The following PNPLA8 variants were observed in gnomAD, a reference collection of about 807,000 sequenced individuals.
The protein encoded by PNPLA8 is patatin like domain 8, phospholipase A2.
Under a neutral mutation model 76.9 loss-of-function variants are expected in PNPLA8, and 39 were observed. The ratio of observed to expected loss-of-function variants is 0.51; its 90% confidence interval spans 0.39 to 0.66. The LOEUF (loss-of-function observed/expected upper bound fraction) is 0.66, where lower values mean the gene tolerates loss of function less well. PNPLA8 is among the 30% of genes least tolerant of loss of function. PNPLA8 has a pLI of 0.00. For synonymous variants in PNPLA8, 301 were observed against 307.9 expected, an observed-to-expected ratio of 0.98 and a Z score of 0.24; for missense variants, 887 against 918.0, an observed-to-expected ratio of 0.97 and a Z score of 0.44.
In PNPLA8 at chr7:108,514,215, A is replaced by C. The variant is rs141089628; in HGVS notation, c.1135T>G (p.Cys379Gly). The change falls in exon 4 of 11, where the codon TGC becomes GGC. Residue 379 changes from cysteine to glycine, a missense_variant. Cys to Gly is a radical substitution (Grantham distance 159, BLOSUM62 -3). Coordinates refer to ENST00000257694, the MANE Select transcript of PNPLA8 (RefSeq NM_001256007.3). ...ALRRTTDPKL[C>G]ITRVEELTFH... is the part of the protein sequence containing the mutation. Reference sequence around the variant, plus strand: ...GTCAGTTCTTCAACCCTAGTAATGCAGAGCTTTGGGTCAGTTGTTCTTCTT... The same window carrying C: ...GTCAGTTCTTCAACCCTAGTAATGCCGAGCTTTGGGTCAGTTGTTCTTCTT... The C allele has an allele frequency of 3.5e-3, 5,600 of 1,608,444 alleles. 15 individuals are homozygous for C. Among genetic ancestry groups the C allele is most frequent in the South Asian group, 4.1e-3 (377 of 90,970 alleles).
At chr7:108,505,328 ATATATATATATATATATATATATATTTTT>A (rs1862294624) in intron 4 of PNPLA8, among the ~76,000 whole-genome samples, 3 of 5,488 alleles carry the variant, frequency 5.5e-4, no homozygotes, top group African/African-American at 2.7e-3. Context: ...ATATATATAT[ATATATATATATATATATATATATATTTTT>A]TTTTTTTTTT....
chr7:108,486,230 T>C (rs1391242160), intron 9 of PNPLA8, among the ~76,000 whole-genome samples: 1 of 152,102 alleles, frequency 6.6e-6, no homozygotes, highest in Non-Finnish European at 1.5e-5. Context: ...AATTATTTAG[T>C]ATTTGAGACT....
chr7:108,527,503 C>T (rs1864135673), upstream of PNPLA8, among the ~76,000 whole-genome samples: 1 of 152,142 alleles, frequency 6.6e-6, no homozygotes, highest in Non-Finnish European at 1.5e-5. Context: ...AAAAATTATT[C>T]TGACACTTGT....
At chr7:108,519,879 C>T (rs1339175013) in intron 2 of PNPLA8, among the ~76,000 whole-genome samples, 1 of 152,100 alleles carries the variant, frequency 6.6e-6, no homozygotes, top group Non-Finnish European at 1.5e-5. Context: ...TGTAACCACA[C>T]CCAAAGGACA....
At position 108,496,649 on chromosome 7, in the gene PNPLA8, A is replaced by C; in HGVS notation, c.1560T>G (p.Val520=). 1 of 1,612,106 alleles carries C rather than the reference A, an allele frequency of 6.2e-7. No homozygotes were observed. Among genetic ancestry groups the C allele is most frequent in the South Asian group, 1.1e-5 (1 of 90,810 alleles). Residue 520 remains valine, a synonymous_variant, in exon 7 of 11, where the codon GTT becomes GTG. Transcript: ENST00000257694. ...GSDVFSQNVI[V]GTVKMSWSHA... ...GGCTCCAACTCATTTTTACTGTTCCAACAATGACATTTTGTGAAAATACAT... is the reference window on the plus strand; with the variant it reads ...GGCTCCAACTCATTTTTACTGTTCCCACAATGACATTTTGTGAAAATACAT...
chr7:108,507,341 CAAAAAA>C (rs66685490), intron 4 of PNPLA8, among the ~76,000 whole-genome samples: 5 of 45,372 alleles, frequency 1.1e-4, no homozygotes, highest in African/African-American at 5.0e-4. Flanking sequence ...GACTCTGTCT[CAAAAAA>C]AAAAAAAAAA....
intron 4 of PNPLA8, among the ~76,000 whole-genome samples, chr7:108,509,720 A>G (rs960971577): frequency 2.0e-5 from 3 of 151,444 alleles, no homozygotes; most frequent in Non-Finnish European, 4.4e-5. Context: ...ATAAAGACAC[A>G]TGCACACGTA....
chr7:108,520,525 T>C (rs1863660694), intron 2 of PNPLA8, among the ~76,000 whole-genome samples: 2 of 152,156 alleles, frequency 1.3e-5, no homozygotes, highest in Admixed American at 1.3e-4. Flanking sequence ...AGTTATAGTA[T>C]TTGAATAGTA....
chr7:108,527,013 A>G (rs779618387), upstream of PNPLA8, among the ~76,000 whole-genome samples: 1 of 152,238 alleles, frequency 6.6e-6, no homozygotes, highest in South Asian at 2.1e-4. Context: ...TTATACTACA[A>G]TAGCGAATTT....
At chr7:108,493,568 CTTTTTTTT>C (rs34935118) in intron 7 of PNPLA8, among the ~76,000 whole-genome samples, 37 of 81,218 alleles carry the variant, frequency 4.6e-4, no homozygotes, top group African/African-American at 1.6e-3. Context: ...CCATGCCTGG[CTTTTTTTT>C]TTTTTTTTTT....
rs984635556 is a variant in PNPLA8, at chr7:108,502,579, C to T, written c.1270G>A (p.Val424Ile). The T allele has an allele frequency of 2.4e-5, 39 of 1,608,658 alleles. No homozygotes were observed. The highest frequency in any genetic ancestry group is 3.3e-5 in the Non-Finnish European group (39 of 1,176,434). The change falls in exon 5 of 11, where the codon GTT (valine) becomes ATT (isoleucine). Residue 424 changes from valine (V) to isoleucine (I), a missense_variant. Coordinates refer to ENST00000257694, the MANE Select transcript of PNPLA8 (RefSeq NM_001256007.3). ...CCAATTAGGGCCAAAATTTCTCTAACTGCAGCCTGAAGAGTTTCATCCTTA... is the reference window on the plus strand; with the variant it reads ...CCAATTAGGGCCAAAATTTCTCTAATTGCAGCCTGAAGAGTTTCATCCTTA... ...QIKDETLQAA[V>I]REILALIGYV... is the part of the protein sequence containing the mutation.
intron 1 of PNPLA8, among the ~76,000 whole-genome samples, chr7:108,524,698 A>G (rs956344885): frequency 6.6e-5 from 10 of 152,094 alleles, no homozygotes; most frequent in African/African-American, 1.9e-4. Context: ...GCACGCCTGT[A>G]AATCCCAGCT....
chr7:108,488,435 T>C (rs530760235), intron 8 of PNPLA8, among the ~76,000 whole-genome samples: 4 of 151,950 alleles, frequency 2.6e-5, no homozygotes, highest in Non-Finnish European at 5.9e-5. Context: ...CAAAATTAGC[T>C]GGACATGATG....
chr7:108,510,256 G>C (rs1437913456), intron 4 of PNPLA8: 6 of 1,543,064 alleles, frequency 3.9e-6, no homozygotes, highest in Non-Finnish European at 5.3e-6. Flanking sequence ...AAGAGAAGAA[G>C]AAGGTTCCTG....
Position 108,521,521 on chromosome 7 carries a change from T to C in PNPLA8, c.-129A>G. The stretch of plus-strand genomic sequence containing the variant: ...ATGTAGACCTTGGAGGAGAAGACAA[T>C]CTATTGAGAAATAAAACAAATAATA... On this transcript the variant is annotated splice_region_variant and 5_prime_UTR_variant, in exon 2 of 11. Coordinates refer to ENST00000257694, the MANE Select transcript of PNPLA8 (RefSeq NM_001256007.3). The C allele has an allele frequency of 1.3e-6, 1 of 758,396 alleles. No individual in the cohort carries two copies. The highest frequency in any genetic ancestry group is 1.6e-6 in the Non-Finnish European group (1 of 625,076). The allele number at this position is 758,396 out of a possible 1,614,324, so 47.0% of individuals were successfully genotyped here.
intron 4 of PNPLA8, among the ~76,000 whole-genome samples, chr7:108,506,019 T>C (rs1441462975): frequency 6.6e-6 from 1 of 152,150 alleles, no homozygotes; most frequent in African/African-American, 2.4e-5. Context: ...TAGCTATCAA[T>C]GAAATAAAAA....
intron 5 of PNPLA8, among the ~76,000 whole-genome samples, chr7:108,500,840 G>C (rs1361350354): frequency 3.9e-5 from 6 of 152,028 alleles, no homozygotes; most frequent in African/African-American, 1.2e-4. Flanking sequence ...GTTGAACCTG[G>C]GAGGTGGAGG....
chr7:108,472,377 T>C lies in PNPLA8; in HGVS notation c.*24A>G. 1 of 1,479,238 alleles carries C rather than the reference T, an allele frequency of 6.8e-7. No individual in the cohort carries two copies. The highest frequency in any genetic ancestry group is 9.1e-7 in the Non-Finnish European group (1 of 1,096,900). The allele number at this position is 1,479,238 out of a possible 1,614,324, so 91.6% of individuals were successfully genotyped here. On this transcript the variant is annotated 3_prime_UTR_variant, in exon 11 of 11. Transcript: ENST00000257694. ...TTGATCTTCTAAACAGACCTTCATTTATGAGAACATAAGCATATACTCATC... is the reference window on the plus strand; with the variant it reads ...TTGATCTTCTAAACAGACCTTCATTCATGAGAACATAAGCATATACTCATC...
chr7:108,498,132 AC>A (rs1861686193), intron 5 of PNPLA8, among the ~76,000 whole-genome samples: 1 of 134,482 alleles, frequency 7.4e-6, no homozygotes, highest in Non-Finnish European at 1.7e-5. Context: ...AAAACAAAAA[AC>A]AAAAAAAAAA....
Sources: gnomAD v4.1 joint callset for allele counts (sites outside exome capture counted in the v4.1 genomes callset) on GRCh38, gnomAD v4.1.1 for gene constraint, MANE v1.5 for transcripts, NCBI Gene and HGNC (gene_info 2026-07-23, HGNC 2026-07-21) for gene names.